TEC: variants seen among roughly 807,000 people sequenced by gnomAD.
TEC encodes tec protein tyrosine kinase.
TEC carries 72 observed loss-of-function variants against 93.0 expected under a neutral mutation model. The ratio of observed to expected loss-of-function variants is 0.77; its 90% CI spans 0.64 to 0.94. The LOEUF (loss-of-function observed/expected upper bound fraction) is 0.94. TEC is among the 40% of genes least tolerant of loss of function. TEC has a pLI of 0.00. For synonymous variants in TEC, 249 were observed against 247.7 expected (o/e 1.01, Z -0.05); for missense variants, 630 against 757.9 (o/e 0.83, Z 1.98).
At position 48,269,812 on chromosome 4, in the gene TEC, G is replaced by GGAGTCCGGAGCCTAGCGCCCCA. The variant is rs1724747645; in HGVS notation, c.-128_-107dup. The GGAGTCCGGAGCCTAGCGCCCCA allele has an allele frequency of 1.3e-5, 2 of 152,192 alleles. No homozygotes were observed. The highest frequency in any genetic ancestry group is 2.9e-5 in the Non-Finnish European group (2 of 68,044). 9.4% of individuals were successfully genotyped at this position (152,192 alleles called of 1,614,324 possible). A position where few individuals can be genotyped will look rare whatever the true frequency, so the allele number is the denominator to read the frequency against. ...GACTGCGAGGTGCAGTCTGCGCCGC[G>GGAGTCCGGAGCCTAGCGCCCCA]GAGTCCGGAGCCTAGCGCCCCAGAG... On this transcript the variant is annotated 5_prime_UTR_variant, in exon 1 of 18. Coordinates refer to ENST00000381501, the MANE Select transcript of TEC (RefSeq NM_003215.3).
At chr4:48,222,693 G>C (rs184053715) in intron 2 of TEC, among the ~76,000 whole-genome samples, 14 of 151,976 alleles carry the variant, frequency 9.2e-5, no homozygotes, top group African/African-American at 3.1e-4. Context: ...CACTACTTGG[G>C]CTGAAACATC....
intron 2 of TEC, among the ~76,000 whole-genome samples, chr4:48,206,546 T>C (rs1013119950): frequency 5.9e-5 from 9 of 152,168 alleles, no homozygotes; most frequent in African/African-American, 2.2e-4. Context: ...TGAACACATG[T>C]AGACTTGCTC....
intron 2 of TEC, among the ~76,000 whole-genome samples, chr4:48,176,788 C>T (rs554890410): frequency 5.9e-5 from 9 of 152,150 alleles, no homozygotes; most frequent in Non-Finnish European, 1.2e-4. Flanking sequence ...GCCAGATACA[C>T]AATTTGTTCA....
intron 2 of TEC, among the ~76,000 whole-genome samples, chr4:48,210,720 C>T (rs1408869750): frequency 6.6e-6 from 1 of 152,276 alleles, no homozygotes; most frequent in South Asian, 2.1e-4. Context: ...CCGAGGTATG[C>T]ATTTCCACCA....
chr4:48,221,056 G>A (rs1185423110), intron 2 of TEC, among the ~76,000 whole-genome samples: 1 of 152,210 alleles, frequency 6.6e-6, no homozygotes, highest in Non-Finnish European at 1.5e-5. Context: ...AGAACCCAGG[G>A]AAAGTGTACT....
At chr4:48,179,376 ATTTTT>A (rs1159156668) in intron 2 of TEC, among the ~76,000 whole-genome samples, 65 of 21,120 alleles carry the variant, frequency 3.1e-3, no homozygotes, top group Non-Finnish European at 4.0e-3. Flanking sequence ...ATATATATAT[ATTTTT>A]TTTTTTTTTT....
intron 1 of TEC, among the ~76,000 whole-genome samples, chr4:48,236,950 G>A (rs1723801688): frequency 6.6e-6 from 1 of 152,150 alleles, no homozygotes; most frequent in Non-Finnish European, 1.5e-5. Context: ...GCCCTGATCT[G>A]ATCACTATGC....
rs1268288282 is a variant in TEC at position 48,138,816 on chromosome 4, A to G, written c.1661T>C (p.Leu554Ser). 1 of 1,613,586 alleles carries G rather than the reference A, an allele frequency of 6.2e-7. No individual in the cohort carries two copies. The highest frequency in any genetic ancestry group is 1.3e-5 in the African/African-American group (1 of 74,938). Residue 554 changes from leucine to serine, a missense_variant, in exon 17 of 18, where the codon TTA becomes TCA. By Grantham distance (145) the Leu-to-Ser change is moderately radical (BLOSUM62 -2). This residue lies in a region of TEC where 289 missense variants were observed against 390.0 expected (regional missense o/e 0.74). Coordinates refer to ENST00000381501, the MANE Select transcript of TEC (RefSeq NM_003215.3). ...SKSDVWSFGV[L>S]MWEVFTEGRM... Reference sequence around the variant, plus strand: ...GCCTTCCGTGAATACTTCCCACATTAAAACACCTGGAAAAGGATAAGGATT... The same window carrying G: ...GCCTTCCGTGAATACTTCCCACATTGAAACACCTGGAAAAGGATAAGGATT...
intron 2 of TEC, among the ~76,000 whole-genome samples, chr4:48,189,762 A>G (rs1416638526): frequency 1.3e-5 from 2 of 152,254 alleles, no homozygotes; most frequent in Non-Finnish European, 2.9e-5. Context: ...CAAATAATAA[A>G]GAATAATAGG....
At chr4:48,165,081 A>G (rs557763677) in intron 7 of TEC, among the ~76,000 whole-genome samples, 3 of 152,218 alleles carry the variant, frequency 2.0e-5, no homozygotes, top group Non-Finnish European at 4.4e-5. Context: ...AATAAATACA[A>G]GATAACTTGA....
At chr4:48,227,785 T>C (rs747974271) in intron 2 of TEC, among the ~76,000 whole-genome samples, 3 of 152,024 alleles carry the variant, frequency 2.0e-5, no homozygotes, top group Non-Finnish European at 4.4e-5. Flanking sequence ...GAAGGCAGTA[T>C]GTGGCAGTAC....
At chr4:48,211,151 A>G (rs896212388) in intron 2 of TEC, among the ~76,000 whole-genome samples, 1 of 152,246 alleles carries the variant, frequency 6.6e-6, no homozygotes, top group African/African-American at 2.4e-5. Context: ...AATCTGGCAC[A>G]AGAGTCCATC....
intron 1 of TEC, among the ~76,000 whole-genome samples, chr4:48,245,898 A>AGGAGTTTGAGACCGGCCTGAGG: frequency 1.3e-5 from 2 of 151,884 alleles, no homozygotes; most frequent in Non-Finnish European, 2.9e-5. Flanking sequence ...ATCACTTGAG[A>AGGAGTTTGAGACCGGCCTGAGG]TCAGGAGTTT....
intron 1 of TEC, among the ~76,000 whole-genome samples, chr4:48,239,311 T>C (rs1723866909): frequency 1.3e-5 from 2 of 152,232 alleles, no homozygotes; most frequent in South Asian, 4.1e-4. Flanking sequence ...TCACTTTAGT[T>C]TTCAGGATAA....
chr4:48,160,553 C>T (rs1333636797), intron 8 of TEC, among the ~76,000 whole-genome samples: 1 of 151,856 alleles, frequency 6.6e-6, no homozygotes, highest in African/African-American at 2.4e-5. Context: ...ATATTGAAAC[C>T]CTGTCTCTAC....
intron 2 of TEC, among the ~76,000 whole-genome samples, chr4:48,211,020 A>T (rs908460822): frequency 1.3e-5 from 2 of 152,184 alleles, no homozygotes; most frequent in Non-Finnish European, 2.9e-5. Flanking sequence ...TACCCCTCAA[A>T]AACTCCTATG....
In TEC at chr4:48,228,430, C is replaced by T. The variant is rs765258940; in HGVS notation, c.138+47G>A. 6.3e-5 allele frequency: 95 copies of T among 1,498,730 alleles called. No homozygotes were observed. The East Asian group carries it at 1.2e-3, about 19-fold the overall frequency. 92.8% of individuals were successfully genotyped at this position (1,498,730 alleles called of 1,614,324 possible). ...GGAGAGGCAGGCAATATTATAAAATCGTTATCTACATAGAAAGCAGAAAAG... is the reference window on the plus strand; with the variant it reads ...GGAGAGGCAGGCAATATTATAAAATTGTTATCTACATAGAAAGCAGAAAAG... On this transcript the variant is annotated intron_variant, in intron 2 of 17. Transcript: ENST00000381501.
intron 7 of TEC, among the ~76,000 whole-genome samples, chr4:48,164,676 G>A (rs1577713618): frequency 1.3e-5 from 2 of 152,116 alleles, no homozygotes; most frequent in Non-Finnish European, 2.9e-5. Context: ...AATACCATTT[G>A]TGACTAAAAG....
At chr4:48,146,219 TA>T (rs1719899782) in intron 12 of TEC, 105 bp downstream of exon 12, 3 of 1,032,138 alleles carry the variant, frequency 2.9e-6, no homozygotes, top group African/African-American at 1.6e-5. Flanking sequence ...TATAAACTTA[TA>T]AAAAACAGTT....
Sources: allele counts gnomAD v4.1 joint callset (sites outside exome capture counted in the v4.1 genomes callset), GRCh38; gene constraint gnomAD v4.1.1; regional missense constraint gnomAD v4.1.1; transcripts MANE v1.5; gene names NCBI Gene and HGNC (gene_info 2026-07-23, HGNC 2026-07-21).